Variants in ITGA8 observed in about 807,000 individuals in gnomAD.
ITGA8 encodes integrin alpha-8.
Under a neutral mutation model 142.3 loss-of-function variants are expected in ITGA8, and 91 were observed. The ratio of observed to expected loss-of-function variants is 0.64; its 90% CI spans 0.54 to 0.76. The LOEUF (loss-of-function observed/expected upper bound fraction) is 0.76. Among genes scored for constraint, ITGA8 ranks in the 30% least tolerant of loss-of-function variants. The pLI is 0.00. For missense variants in ITGA8, 1,406 were observed against 1,327.7 expected, an observed-to-expected ratio of 1.06 and a Z score of -0.92; for synonymous variants, 505 against 485.2, an observed-to-expected ratio of 1.04 and a Z score of -0.54.
chr10:15,530,565 A>G (rs1033262631), intron 28 of ITGA8, among the ~76,000 whole-genome samples: 1 of 150,958 alleles, frequency 6.6e-6, no homozygotes, highest in African/African-American at 2.4e-5. Flanking sequence ...AAAAAAAAAG[A>G]CATTTCATTC....
chr10:15,550,115 C>T (rs531404161), intron 26 of ITGA8, among the ~76,000 whole-genome samples: 63 of 152,262 alleles, frequency 4.1e-4, no homozygotes, highest in African/African-American at 1.3e-3. Context: ...ATAAGTCTCA[C>T]GAGATCTGAT....
chr10:15,563,474 T>A (rs1648908116), intron 25 of ITGA8, among the ~76,000 whole-genome samples: 1 of 152,152 alleles, frequency 6.6e-6, no homozygotes, highest in South Asian at 2.1e-4. Flanking sequence ...TCATTGACAA[T>A]TATGTTACAG....
At chr10:15,563,276 A>T (rs2131574333) in intron 25 of ITGA8, among the ~76,000 whole-genome samples, 1 of 152,304 alleles carries the variant, frequency 6.6e-6, no homozygotes, top group South Asian at 2.1e-4. Flanking sequence ...ATGGCCTAAT[A>T]CAGATGCCCA....
At chr10:15,595,975 C>A (rs940188810) in intron 21 of ITGA8, among the ~76,000 whole-genome samples, 3 of 152,124 alleles carry the variant, frequency 2.0e-5, no homozygotes, top group Admixed American at 2.0e-4. Flanking sequence ...CACTTGAACC[C>A]GGGAGGCAGA....
chr10:15,693,060 C>T (rs1564411628), intron 2 of ITGA8, among the ~76,000 whole-genome samples: 1 of 152,070 alleles, frequency 6.6e-6, no homozygotes, highest in Admixed American at 6.6e-5. Flanking sequence ...AAGTAAGACT[C>T]TGTCTCAAAA....
intron 27 of ITGA8, among the ~76,000 whole-genome samples, chr10:15,537,647 A>G (rs1833474671): frequency 6.6e-6 from 1 of 152,174 alleles, no homozygotes; most frequent in Non-Finnish European, 1.5e-5. Context: ...CTAAAATAGT[A>G]ACTTTCCCCT....
chr10:15,583,550 T>A (rs1187973334), intron 23 of ITGA8, among the ~76,000 whole-genome samples: 1 of 152,184 alleles, frequency 6.6e-6, no homozygotes, highest in Non-Finnish European at 1.5e-5. Flanking sequence ...AACTGTCTAC[T>A]GATACATTCA....
intron 23 of ITGA8, among the ~76,000 whole-genome samples, chr10:15,584,372 G>A (rs141873292): frequency 3.5e-4 from 54 of 152,256 alleles, no homozygotes; most frequent in Non-Finnish European, 7.2e-4. Flanking sequence ...GAAGAATAAA[G>A]AGTCAACAAA....
At chr10:15,673,931 G>A (rs536283046) in intron 6 of ITGA8, among the ~76,000 whole-genome samples, 1 of 152,306 alleles carries the variant, frequency 6.6e-6, no homozygotes, top group East Asian at 1.9e-4. Flanking sequence ...GCATTCCCAT[G>A]TTTACCATGG....
Position 15,603,157 on chromosome 10 carries a change from A to G in ITGA8, c.2118+1051T>C, listed in dbSNP as rs1031566258. ...TTGTTTTTTACTAAGAAGATCGTTC[A>G]ACTAAAACAAACAAAAATCATGAGA... On this transcript the variant is annotated intron_variant, in intron 20 of 29. Coordinates refer to ENST00000378076, the MANE Select transcript of ITGA8 (RefSeq NM_003638.3). Among the ~76,000 whole-genome samples, 4 of 152,120 alleles carry G rather than the reference A, an allele frequency of 2.6e-5. No homozygotes were observed. The South Asian group carries it at 6.2e-4, about 24-fold the overall frequency.
intron 27 of ITGA8, among the ~76,000 whole-genome samples, chr10:15,538,270 T>G (rs1833490031): frequency 6.6e-6 from 1 of 152,196 alleles, no homozygotes; most frequent in African/African-American, 2.4e-5. Flanking sequence ...CCTAACACTT[T>G]GGGAGGCCAA....
In ITGA8 at chr10:15,538,675, A is replaced by G. The variant is rs185085503; in HGVS notation, c.2881-7524T>C. 2.3e-4 allele frequency among the ~76,000 whole-genome samples: 35 copies of G among 152,202 alleles called. No homozygotes were observed. In the East Asian group the frequency reaches 6.6e-3, roughly 29 times the overall value. On this transcript the variant is annotated intron_variant, in intron 27 of 29. Coordinates refer to ENST00000378076, the MANE Select transcript of ITGA8 (RefSeq NM_003638.3). ...ATAATAATAAAAAAGAAAATGTTCA[A>G]GTTTATGACAAATTGTTAAGGTGTT... is the stretch of plus-strand genomic sequence containing the variant.
chr10:15,619,688 C>G (rs1833454325), intron 13 of ITGA8, among the ~76,000 whole-genome samples: 1 of 150,908 alleles, frequency 6.6e-6, no homozygotes, highest in Admixed American at 6.7e-5. Flanking sequence ...TACATTGTCT[C>G]TTCTAACAGA....
rs1371021740 is a variant in ITGA8, at chr10:15,621,082, C to T, written c.1400-4523G>A. ...GGTCTGATACCATTATCTATGTTTA[C>T]TTCCTTTCTATAAATGCCTTAAGGG... is the stretch of plus-strand genomic sequence containing the variant. On this transcript the variant is annotated intron_variant, in intron 13 of 29. Coordinates refer to ENST00000378076, the MANE Select transcript of ITGA8 (RefSeq NM_003638.3). 3.3e-5 allele frequency among the ~76,000 whole-genome samples: 5 copies of T among 151,872 alleles called. No individual in the cohort carries two copies. The East Asian group carries it at 7.7e-4, about 24-fold the overall frequency.
chr10:15,719,040 A>G lies in ITGA8; in HGVS notation c.210-141T>C, dbSNP rs1835507462. 3 of 1,297,472 alleles carry G rather than the reference A, an allele frequency of 2.3e-6. No individual in the cohort carries two copies. The Admixed American group carries it at 7.4e-5, about 32-fold the overall frequency. The allele number at this position is 1,297,472 out of a possible 1,614,324, so 80.4% of individuals were successfully genotyped here. ...TATTTATGATGAGGACCGACTGTCA[A>G]ACTTGATTTCCTCTTGGAAACGGGG... On this transcript the variant is annotated intron_variant, in intron 1 of 29. Transcript: ENST00000378076.
At chr10:15,639,057 A>G (rs1319515451) in intron 13 of ITGA8, among the ~76,000 whole-genome samples, 1 of 151,730 alleles carries the variant, frequency 6.6e-6, no homozygotes, top group African/African-American at 2.4e-5. Context: ...AGAGCCCAGG[A>G]GTTTGAGGCT....
chr10:15,605,576 G>A (rs1833179612), intron 19 of ITGA8, 148 bp downstream of exon 19: 1 of 661,640 alleles, frequency 1.5e-6, no homozygotes, highest in South Asian at 1.9e-5. Context: ...CAAACCACAG[G>A]CTAACCCAAA....
intron 4 of ITGA8, among the ~76,000 whole-genome samples, chr10:15,680,216 CTTTTTTTTTT>C (rs71374638): frequency 5.5e-5 from 3 of 54,276 alleles, no homozygotes; most frequent in African/African-American, 8.3e-5. Context: ...CCAGATGCTC[CTTTTTTTTTT>C]TTTTTTTTTT....
At chr10:15,538,249 A>C (rs1001350593) in intron 27 of ITGA8, among the ~76,000 whole-genome samples, 1 of 152,218 alleles carries the variant, frequency 6.6e-6, no homozygotes, top group Non-Finnish European at 1.5e-5. Context: ...GCAGTGGCTC[A>C]TGCCTGTAAT....
Sources: allele counts gnomAD v4.1 joint callset (sites outside exome capture counted in the v4.1 genomes callset), GRCh38; gene constraint gnomAD v4.1.1; transcripts MANE v1.5; gene names NCBI Gene and HGNC (gene_info 2026-07-23, HGNC 2026-07-21).